MKLN1: variants seen among roughly 807,000 people sequenced by gnomAD.
MKLN1 encodes muskelin.
A neutral mutation model predicts 99.0 loss-of-function variants in MKLN1; 18 were observed. That is an observed-to-expected ratio of 0.18 (90% CI 0.13 to 0.27). The LOEUF (loss-of-function observed/expected upper bound fraction) is 0.27. MKLN1 is among the 10% of genes least tolerant of loss of function. The probability of loss-of-function intolerance (pLI) is 1.00; values close to 1 mark genes in which losing one functional copy is unlikely to be tolerated. For missense variants in MKLN1, 621 were observed against 875.9 expected (o/e 0.71, Z 3.67); for synonymous variants, 288 against 293.2 (o/e 0.98, Z 0.18).
At chr7:131,301,210 A>G (rs1798372954) in intron 3 of MKLN1, among the ~76,000 whole-genome samples, 1 of 152,244 alleles carries the variant, frequency 6.6e-6, no homozygotes, top group Non-Finnish European at 1.5e-5. Flanking sequence ...ACTGCTGCTC[A>G]GAGGCTTCAC....
intron 3 of MKLN1, among the ~76,000 whole-genome samples, chr7:131,211,509 C>T (rs1331129665): frequency 6.6e-6 from 1 of 152,108 alleles, no homozygotes; most frequent in East Asian, 1.9e-4. Context: ...TCATATTCTG[C>T]TTTTGTGCTC....
chr7:131,414,850 A>G, intron 8 of MKLN1, 140 bp downstream of exon 8: 1 of 463,474 alleles, frequency 2.2e-6, no homozygotes, highest in Non-Finnish European at 4.0e-6. Context: ...AAAGTTTAAC[A>G]TGCGGCCTTT....
chr7:131,233,901 C>T (rs1433851189), intron 3 of MKLN1, among the ~76,000 whole-genome samples: 1 of 152,012 alleles, frequency 6.6e-6, no homozygotes, highest in African/African-American at 2.4e-5. Flanking sequence ...TTCCATAAGG[C>T]ATTTATTTTC....
At chr7:131,120,170 C>CAAAAAAAAAA (rs34545571) in intron 1 of MKLN1, among the ~76,000 whole-genome samples, 1 of 76,514 alleles carries the variant, frequency 1.3e-5, no homozygotes, top group African/African-American at 5.9e-5. Context: ...GACTCCATCT[C>CAAAAAAAAAA]AAAAAAAAAA....
chr7:131,264,032 G>A (rs1439217010), intron 3 of MKLN1, among the ~76,000 whole-genome samples: 4 of 152,288 alleles, frequency 2.6e-5, no homozygotes, highest in Admixed American at 2.0e-4. Flanking sequence ...AGGAGTTCAA[G>A]TTTATCTCCC....
intron 2 of MKLN1, among the ~76,000 whole-genome samples, chr7:131,175,982 C>T (rs2116346218): frequency 6.6e-6 from 1 of 152,154 alleles, no homozygotes; most frequent in Admixed American, 6.5e-5. Flanking sequence ...CCATTTACTC[C>T]CAGTTGACAT....
intron 3 of MKLN1, among the ~76,000 whole-genome samples, chr7:131,297,592 G>A (rs1390660796): frequency 6.6e-6 from 1 of 152,090 alleles, no homozygotes; most frequent in Non-Finnish European, 1.5e-5. Flanking sequence ...GAAGTCTACT[G>A]AGGGATGATA....
chr7:131,485,227 T>C, intron 17 of MKLN1, among the ~76,000 whole-genome samples: 1 of 152,036 alleles, frequency 6.6e-6, no homozygotes, highest in East Asian at 1.9e-4. Context: ...TCTAGGACAA[T>C]ATGAGTATCA....
chr7:131,185,423 C>CA (rs35268389), intron 2 of MKLN1, among the ~76,000 whole-genome samples: 61,702 of 143,436 alleles, frequency 0.43, 13,729 homozygotes, highest in East Asian at 0.77. Context: ...ACTAAAAATA[C>CA]AAAAAAAAAA....
At chr7:131,459,756 T>C (rs1300956718) in intron 12 of MKLN1, among the ~76,000 whole-genome samples, 1 of 152,108 alleles carries the variant, frequency 6.6e-6, no homozygotes, top group Non-Finnish European at 1.5e-5. Context: ...AAAAACAACA[T>C]AGATATATGT....
At chr7:131,307,920 G>C (rs1016490834) in intron 3 of MKLN1, among the ~76,000 whole-genome samples, 4 of 152,160 alleles carry the variant, frequency 2.6e-5, no homozygotes, top group African/African-American at 7.2e-5. Context: ...GGAGGGGCCA[G>C]GGGCAGAATG....
intron 1 of MKLN1, among the ~76,000 whole-genome samples, chr7:131,333,003 A>C (rs1185021987): frequency 2.0e-5 from 3 of 152,028 alleles, no homozygotes; most frequent in Admixed American, 6.6e-5. Flanking sequence ...GGCTCACTGC[A>C]AACTCTGCCT....
chr7:131,354,800 T>G (rs1240998945), intron 1 of MKLN1, among the ~76,000 whole-genome samples: 2 of 152,214 alleles, frequency 1.3e-5, no homozygotes, highest in African/African-American at 2.4e-5. Flanking sequence ...CTAATTTTAT[T>G]TCTAAATGGC....
chr7:131,267,472 G>T (rs1229684063), intron 3 of MKLN1, among the ~76,000 whole-genome samples: 7 of 152,190 alleles, frequency 4.6e-5, no homozygotes, highest in Admixed American at 1.3e-4. Context: ...AGGAAGATAA[G>T]GTTGTTGCCC....
intron 3 of MKLN1, among the ~76,000 whole-genome samples, chr7:131,283,541 C>T (rs1044836467): frequency 4.0e-5 from 6 of 151,006 alleles, no homozygotes; most frequent in Admixed American, 1.3e-4. Flanking sequence ...CTCAGGTGAT[C>T]CTCCCACCTC....
At chr7:131,384,167 C>CT (rs998645647) in intron 2 of MKLN1, among the ~76,000 whole-genome samples, 162 of 145,018 alleles carry the variant, frequency 1.1e-3, no homozygotes, top group East Asian at 1.4e-3. Flanking sequence ...GCATTCACTA[C>CT]TTTTTTTTTT....
intron 3 of MKLN1, among the ~76,000 whole-genome samples, chr7:131,255,828 G>A (rs1268484963): frequency 2.6e-5 from 4 of 151,400 alleles, no homozygotes; most frequent in Admixed American, 6.6e-5. Context: ...TGAGCCACCC[G>A]CCTCAGCCTC....
chr7:131,406,574 T>C (rs571234137), intron 6 of MKLN1, among the ~76,000 whole-genome samples: 100 of 151,938 alleles, frequency 6.6e-4, no homozygotes, highest in African/African-American at 2.2e-3. Flanking sequence ...ATTTACTGGG[T>C]TTTTTTTCTC....
chr7:131,180,269 G>A (rs1476771104), intron 2 of MKLN1, among the ~76,000 whole-genome samples: 1 of 152,032 alleles, frequency 6.6e-6, no homozygotes, highest in Admixed American at 6.5e-5. Context: ...TCCCCTTCAC[G>A]CTACAGCAGG....
Sources: gnomAD v4.1 joint callset for allele counts (sites outside exome capture counted in the v4.1 genomes callset) on GRCh38, gnomAD v4.1.1 for gene constraint, MANE v1.5 for transcripts, NCBI Gene and HGNC (gene_info 2026-07-23, HGNC 2026-07-21) for gene names.